ANKRD33B: variants seen among roughly 807,000 people sequenced by gnomAD.
ANKRD33B encodes the protein ankyrin repeat domain 33B.
In ANKRD33B, 6 loss-of-function variants were observed where a neutral mutation model predicts 21.5. The observed-to-expected ratio is 0.28, with a 90% confidence interval of 0.15 to 0.55. The LOEUF (loss-of-function observed/expected upper bound fraction) is 0.55. Ranked by LOEUF, ANKRD33B falls within the 20% of genes least tolerant of loss-of-function variation. The pLI, the probability that ANKRD33B is intolerant of heterozygous loss-of-function variation, is 0.94. For synonymous variants in ANKRD33B, 347 were observed against 342.4 expected, an observed-to-expected ratio of 1.01 and a Z score of -0.15; for missense variants, 698 against 747.2, an observed-to-expected ratio of 0.93 and a Z score of 0.77.
chr5:10,565,492 C>T lies in ANKRD33B; in HGVS notation c.366+659C>T, dbSNP rs144177269. The stretch of plus-strand genomic sequence containing the variant: ...GCAGGTCACCTTCGCGAGCCAATGC[C>T]AGCCGGGGCTCCCCAGAGTCAGGGC... On this transcript the variant is annotated intron_variant, in intron 1 of 3. Transcript: ENST00000296657. Among the ~76,000 whole-genome samples the T allele has an allele frequency of 4.7e-4, 72 of 152,374 alleles. No homozygotes were observed. The East Asian group carries it at 0.01, about 22-fold the overall frequency.
At chr5:10,643,298 C>T (rs1737107509) in intron 3 of ANKRD33B, among the ~76,000 whole-genome samples, 1 of 151,908 alleles carries the variant, frequency 6.6e-6, no homozygotes, top group South Asian at 2.1e-4. Context: ...TAGTGGCATC[C>T]CTGGCCTCTA....
At chr5:10,587,281 A>T (rs1228692389) in intron 1 of ANKRD33B, among the ~76,000 whole-genome samples, 1 of 151,992 alleles carries the variant, frequency 6.6e-6, no homozygotes, top group South Asian at 2.1e-4. Flanking sequence ...TTGTATTTTT[A>T]GTAATGACGG....
At chr5:10,623,687 C>G (rs1167123980) in intron 2 of ANKRD33B, among the ~76,000 whole-genome samples, 1 of 152,218 alleles carries the variant, frequency 6.6e-6, no homozygotes, top group Non-Finnish European at 1.5e-5. Flanking sequence ...CTGGCCCACC[C>G]AGGGGTAGCC....
At chr5:10,640,816 G>A (rs541816212) in intron 3 of ANKRD33B, among the ~76,000 whole-genome samples, 1 of 152,338 alleles carries the variant, frequency 6.6e-6, no homozygotes, top group East Asian at 1.9e-4. Flanking sequence ...ACTTGGGGAG[G>A]CTGAGAAGTC....
intron 1 of ANKRD33B, among the ~76,000 whole-genome samples, chr5:10,615,125 G>A (rs533663016): frequency 3.3e-5 from 5 of 152,180 alleles, no homozygotes; most frequent in African/African-American, 1.2e-4. Flanking sequence ...AGATACTTCC[G>A]GAACCCTGAG....
Position 10,574,221 on chromosome 5 carries a change from A to T in ANKRD33B, c.366+9388A>T, listed in dbSNP as rs1018326338. On this transcript the variant is annotated intron_variant, in intron 1 of 3. Coordinates refer to ENST00000296657, the MANE Select transcript of ANKRD33B (RefSeq NM_001164440.2). Reference sequence around the variant, plus strand: ...ACATATTTTAGTAACTTTTCTACATATTTCTTTCAATTAAAAGGATTTATG... The same window carrying T: ...ACATATTTTAGTAACTTTTCTACATTTTTCTTTCAATTAAAAGGATTTATG... 4.6e-5 allele frequency among the ~76,000 whole-genome samples: 7 copies of T among 152,236 alleles called. 1 individual carries two copies. Among genetic ancestry groups the T allele is most frequent in the Admixed American group, 4.6e-4 (7 of 15,286 alleles).
At chr5:10,633,100 T>C (rs1289628851) in intron 2 of ANKRD33B, among the ~76,000 whole-genome samples, 1 of 116,860 alleles carries the variant, frequency 8.6e-6, no homozygotes, top group Non-Finnish European at 2.0e-5. Flanking sequence ...TTCTCCTCTT[T>C]TTTTTTTTTT....
chr5:10,646,849 T>C (rs1055189749), intron 3 of ANKRD33B, among the ~76,000 whole-genome samples: 9 of 152,212 alleles, frequency 5.9e-5, no homozygotes, highest in Admixed American at 4.6e-4. Flanking sequence ...CCAGGCAAGC[T>C]CAGGTGAGCT....
chr5:10,629,493 T>C (rs1736657374), intron 2 of ANKRD33B, among the ~76,000 whole-genome samples: 1 of 152,064 alleles, frequency 6.6e-6, no homozygotes, highest in African/African-American at 2.4e-5. Flanking sequence ...GAATAAGGGA[T>C]GTGGGAGAGG....
At chr5:10,633,315 C>A (rs1017295973) in intron 2 of ANKRD33B, among the ~76,000 whole-genome samples, 3 of 152,130 alleles carry the variant, frequency 2.0e-5, no homozygotes, top group Non-Finnish European at 2.9e-5. Flanking sequence ...TTGGCCAGGA[C>A]GGTGTGATCT....
At chr5:10,592,813 G>T (rs1158852103) in intron 1 of ANKRD33B, among the ~76,000 whole-genome samples, 1 of 152,068 alleles carries the variant, frequency 6.6e-6, no homozygotes, top group African/African-American at 2.4e-5. Flanking sequence ...GCTACTCTTG[G>T]TTTGTCCATT....
chr5:10,626,541 C>G (rs1247960242), intron 2 of ANKRD33B, among the ~76,000 whole-genome samples: 1 of 152,224 alleles, frequency 6.6e-6, no homozygotes, highest in Non-Finnish European at 1.5e-5. Context: ...AGGACACTGC[C>G]TTCTCTTGCA....
chr5:10,631,944 C>T (rs1053026131), intron 2 of ANKRD33B, among the ~76,000 whole-genome samples: 8 of 152,088 alleles, frequency 5.3e-5, no homozygotes, highest in African/African-American at 1.2e-4. Flanking sequence ...CAGCATCAGG[C>T]GGTTGGTTTA....
At chr5:10,627,103 A>G (rs1736570677) in intron 2 of ANKRD33B, among the ~76,000 whole-genome samples, 1 of 152,240 alleles carries the variant, frequency 6.6e-6, no homozygotes, top group Non-Finnish European at 1.5e-5. Context: ...ATAAAAATAC[A>G]GCCAAATCTG....
At chr5:10,626,790 GC>G (rs1185212968) in intron 2 of ANKRD33B, among the ~76,000 whole-genome samples, 4 of 152,224 alleles carry the variant, frequency 2.6e-5, no homozygotes, top group African/African-American at 9.6e-5. Flanking sequence ...GAAGGCTCCA[GC>G]AGAGTATCGT....
intron 1 of ANKRD33B, among the ~76,000 whole-genome samples, chr5:10,616,434 C>G (rs181831495): frequency 2.4e-3 from 370 of 152,026 alleles, no homozygotes; most frequent in Non-Finnish European, 3.6e-3. Flanking sequence ...CGTGGTGGCA[C>G]ATGACTGTAA....
chr5:10,618,533 C>T lies in ANKRD33B; in HGVS notation c.496+71C>T, dbSNP rs181252815. 2,352 of 1,453,016 alleles carry T rather than the reference C, an allele frequency of 1.6e-3. 5 individuals carry two copies. The highest frequency in any genetic ancestry group is 4.9e-3 in the Admixed American group (200 of 40,832). 90.0% of individuals were successfully genotyped at this position (1,453,016 alleles called of 1,614,324 possible). A position where few individuals can be genotyped will look rare whatever the true frequency, so the allele number is the denominator to read the frequency against. ...ACCGCCGCCGGGCAGCCCGGGCTCCCGTTGCGATGCAGTCAGGATGGAAAT... is the reference window on the plus strand; with the variant it reads ...ACCGCCGCCGGGCAGCCCGGGCTCCTGTTGCGATGCAGTCAGGATGGAAAT... On this transcript the variant is annotated intron_variant, in intron 2 of 3. Transcript: ENST00000296657.
chr5:10,583,038 C>T (rs916592893), intron 1 of ANKRD33B, among the ~76,000 whole-genome samples: 1 of 151,164 alleles, frequency 6.6e-6, no homozygotes, highest in Non-Finnish European at 1.5e-5. Context: ...GCTCTGTCGC[C>T]CAGGCTGGAG....
At chr5:10,640,069 CGTG>C (rs1369508839) in intron 3 of ANKRD33B, among the ~76,000 whole-genome samples, 1 of 88,022 alleles carries the variant, frequency 1.1e-5, no homozygotes, top group Non-Finnish European at 2.5e-5. Context: ...TAGGCGGTGA[CGTG>C]GAGTTGCGTG....
Sources: allele counts gnomAD v4.1 joint callset (sites outside exome capture counted in the v4.1 genomes callset), GRCh38; gene constraint gnomAD v4.1.1; transcripts MANE v1.5; gene names NCBI Gene and HGNC (gene_info 2026-07-23, HGNC 2026-07-21).